Variants in PCDHGB4 observed in about 807,000 individuals in gnomAD.
PCDHGB4 encodes protocadherin gamma subfamily B, 4, also known as protocadherin gamma-B4.
Under a neutral mutation model 60.5 loss-of-function variants are expected in PCDHGB4, and 38 were observed. The ratio of observed to expected loss-of-function variants is 0.63; its 90% CI spans 0.48 to 0.82. The LOEUF is 0.82. Among genes scored for constraint, PCDHGB4 ranks in the 40% least tolerant of loss-of-function variants. The pLI is 0.00. For missense variants in PCDHGB4, 1,109 were observed against 1,209.6 expected, an observed-to-expected ratio of 0.92 and a Z score of 1.23; for synonymous variants, 456 against 509.7, an observed-to-expected ratio of 0.89 and a Z score of 1.42.
intron 1 of PCDHGB4, chr5:141,405,160 C>T (rs2094616263): frequency 6.2e-7 from 1 of 1,614,028 alleles, no homozygotes; most frequent in Non-Finnish European, 8.5e-7. Flanking sequence ...CTGGTGTGCC[C>T]ACCTCACACT....
chr5:141,511,138 A>C lies in PCDHGB4; in HGVS notation c.2737A>C (p.Asn913His). 6.2e-7 allele frequency: 1 copy of C among 1,614,210 alleles called. No homozygotes were observed. ...DGKAPAGGNGNKKKSGKKEKK is the reference protein window; with the variant it reads ...DGKAPAGGNGHKKKSGKKEKK ...CAAGGCCCCAGCAGGTGGCAATGGCAACAAGAAGAAGTCGGGCAAGAAGGA... is the reference window on the plus strand; with the variant it reads ...CAAGGCCCCAGCAGGTGGCAATGGCCACAAGAAGAAGTCGGGCAAGAAGGA... Residue 913 changes from asparagine to histidine, a missense_variant, in exon 4 of 4, where the codon AAC becomes CAC. This residue lies in a region of PCDHGB4 where 1,068 missense variants were observed against 1,089.9 expected (regional missense o/e 0.98). Transcript: ENST00000519479.
At chr5:141,422,375 T>G (rs2096644332) in intron 1 of PCDHGB4, 3 of 1,570,696 alleles carry the variant, frequency 1.9e-6, no homozygotes, top group Admixed American at 1.9e-5. Flanking sequence ...AATGGTCAAG[T>G]CTCCTGTTTT....
intron 1 of PCDHGB4, chr5:141,415,642 A>T (rs1418546981): frequency 6.0e-6 from 5 of 831,836 alleles, no homozygotes; most frequent in Middle Eastern, 2.6e-4. Flanking sequence ...TACTTTTGTT[A>T]AAAAAAAAAA....
chr5:141,431,474 G>A lies in PCDHGB4; in HGVS notation c.2397+41193G>A, dbSNP rs747313827. 2 of 1,613,842 alleles carry A rather than the reference G, an allele frequency of 1.2e-6. No homozygotes were observed. Among genetic ancestry groups the A allele is most frequent in the East Asian group, 4.5e-5 (2 of 44,886 alleles). ...GATGGTTCTGGATGCGAACGACAACGCACCAGCGTTTGCTCAGCCCGAGTA... is the reference window on the plus strand; with the variant it reads ...GATGGTTCTGGATGCGAACGACAACACACCAGCGTTTGCTCAGCCCGAGTA... On this transcript the variant is annotated intron_variant, in intron 1 of 3. Coordinates refer to ENST00000519479, the MANE Select transcript of PCDHGB4 (RefSeq NM_003736.4). This position sits in a 1 kb window ranked among gnomAD's most constrained non-coding sequence, Gnocchi z 4.8.
chr5:141,511,041 C>T lies in PCDHGB4; in HGVS notation c.2640C>T (p.Pro880=), dbSNP rs1421629777. 1.5e-5 allele frequency: 24 copies of T among 1,614,076 alleles called. No individual in the cohort carries two copies. The highest frequency in any genetic ancestry group is 5.5e-5 in the South Asian group (5 of 91,092). Residue 880 remains proline, a synonymous_variant, in exon 4 of 4, where the codon CCC becomes CCT. Transcript: ENST00000519479. The part of the protein sequence containing the change: ...YGPQFTLQHV[P]DYRQNVYIPG... ...CCCAGTTCACCCTGCAGCACGTGCCCGACTACCGCCAGAATGTCTACATCC... is the reference window on the plus strand; with the variant it reads ...CCCAGTTCACCCTGCAGCACGTGCCTGACTACCGCCAGAATGTCTACATCC...
chr5:141,506,444 CAAAAAA>C (rs1219684339), intron 3 of PCDHGB4, among the ~76,000 whole-genome samples: 1 of 95,026 alleles, frequency 1.1e-5, no homozygotes, highest in African/African-American at 4.0e-5. Flanking sequence ...CGCTCTGTCT[CAAAAAA>C]AAAAAAAAAA....
rs537684458 is a variant in PCDHGB4, at chr5:141,431,679, T to G, written c.2397+41398T>G. The G allele has an allele frequency of 1.5e-5, 24 of 1,614,222 alleles. No individual in the cohort carries two copies. The highest frequency in any genetic ancestry group is 3.3e-5 in the Admixed American group (2 of 60,028). On this transcript the variant is annotated intron_variant, in intron 1 of 3. Coordinates refer to ENST00000519479, the MANE Select transcript of PCDHGB4 (RefSeq NM_003736.4). The surrounding 1 kb of genome is among the most constrained non-coding windows in gnomAD (Gnocchi z 4.8). ...GGGACAATATCAACAATAGGGGAGT[T>G]GGACCACGAGGAGTCAGGATTCTAC...
chr5:141,394,619 C>T, intron 1 of PCDHGB4: 1 of 1,613,528 alleles, frequency 6.2e-7, no homozygotes, highest in Non-Finnish European at 8.5e-7. Flanking sequence ...GCCAGAACGC[C>T]TGGCTGTCCT....
At chr5:141,405,603 T>A in intron 1 of PCDHGB4, 1 of 571,444 alleles carries the variant, frequency 1.7e-6, no homozygotes, top group Non-Finnish European at 3.1e-6. Flanking sequence ...CCAAGTAGAA[T>A]AACTGGGACT....
intron 1 of PCDHGB4, chr5:141,413,287 T>C (rs937508313): frequency 6.2e-7 from 1 of 1,613,950 alleles, no homozygotes. Flanking sequence ...GATCTCCTAC[T>C]CAATTCCTGA....
chr5:141,392,268 A>G (rs2150475407), intron 1 of PCDHGB4: 1 of 152,374 alleles, frequency 6.6e-6, no homozygotes, highest in South Asian at 2.1e-4. Context: ...GACATTTACA[A>G]TAAAGCTTAG....
intron 1 of PCDHGB4, among the ~76,000 whole-genome samples, chr5:141,446,430 T>A (rs1468987045): frequency 6.6e-6 from 1 of 152,058 alleles, no homozygotes; most frequent in Non-Finnish European, 1.5e-5. Flanking sequence ...ATTTGAAGGA[T>A]CTGAGAAACA....
At position 141,404,691 on chromosome 5, in the gene PCDHGB4, G is replaced by A. The variant is rs200601931; in HGVS notation, c.2397+14410G>A. ...TCTACTGGTGTGGAGCTGGCACCCC[G>A]CTCTGCAGAGCCTGGCTACCTGGTG... is the stretch of plus-strand genomic sequence containing the variant. On this transcript the variant is annotated intron_variant, in intron 1 of 3. Transcript: ENST00000519479. 1.4e-5 allele frequency: 22 copies of A among 1,613,996 alleles called. No individual in the cohort carries two copies. The East Asian group carries it at 3.8e-4, about 28-fold the overall frequency.
chr5:141,410,437 G>C, intron 1 of PCDHGB4: 1 of 1,614,040 alleles, frequency 6.2e-7, no homozygotes, highest in Non-Finnish European at 8.5e-7. Context: ...ACTACAGTGA[G>C]GGGACTTTGC....
chr5:141,493,346 C>T lies in PCDHGB4; in HGVS notation c.2398-1461C>T, dbSNP rs766845200. Among the ~76,000 whole-genome samples, 5 of 152,172 alleles carry T rather than the reference C, an allele frequency of 3.3e-5. No individual in the cohort carries two copies. Among genetic ancestry groups the T allele is most frequent in the Non-Finnish European group, 7.3e-5 (5 of 68,028 alleles). On this transcript the variant is annotated intron_variant, in intron 1 of 3. Coordinates refer to ENST00000519479, the MANE Select transcript of PCDHGB4 (RefSeq NM_003736.4). The surrounding 1 kb of genome is among the most constrained non-coding windows in gnomAD (Gnocchi z 4.3). Reference sequence around the variant, plus strand: ...CCCCTGTCTAACTCCAGAATGTGTGCTTTTAATTTCTTGGCACTTGGAACT... The same window carrying T: ...CCCCTGTCTAACTCCAGAATGTGTGTTTTTAATTTCTTGGCACTTGGAACT...
intron 1 of PCDHGB4, among the ~76,000 whole-genome samples, chr5:141,466,035 C>T (rs10054619): frequency 0.28 from 42,092 of 151,762 alleles, 6,545 homozygotes; most frequent in African/African-American, 0.42. Flanking sequence ...GGCAGGAGAA[C>T]GGCATGAACC....
Position 141,431,435 on chromosome 5 carries a change from G to T in PCDHGB4, c.2397+41154G>T. On this transcript the variant is annotated intron_variant, in intron 1 of 3. Coordinates refer to ENST00000519479, the MANE Select transcript of PCDHGB4 (RefSeq NM_003736.4). This position sits in a 1 kb window ranked among gnomAD's most constrained non-coding sequence, Gnocchi z 4.8. The stretch of plus-strand genomic sequence containing the variant: ...GGGCGACCCGGTGCGCACAGGCACC[G>T]CGCGCATCCGCGTGATGGTTCTGGA... The T allele has an allele frequency of 6.2e-7, 1 of 1,613,668 alleles. No individual in the cohort carries two copies. Among genetic ancestry groups the T allele is most frequent in the Non-Finnish European group, 8.5e-7 (1 of 1,180,026 alleles).
rs150721796 is a variant in PCDHGB4, at chr5:141,389,726, C to T, written c.1842C>T (p.Leu614=). 0.048 allele frequency: 77,154 copies of T among 1,612,710 alleles called. 2,225 individuals are homozygous for T. The highest frequency in any genetic ancestry group is 0.054 in the Non-Finnish European group (63,775 of 1,179,746). ...TGCTGCAGGCTAGCGAGCCCGGGCTCTTCAGCCTGGGGCTGCGCACGGGCG... is the reference window on the plus strand; with the variant it reads ...TGCTGCAGGCTAGCGAGCCCGGGCTTTTCAGCCTGGGGCTGCGCACGGGCG... ...YHVLQASEPG[L]FSLGLRTGEV... is the part of the protein sequence containing the mutation. Residue 614 remains leucine, a synonymous_variant, in exon 1 of 4, where the codon CTC becomes CTT. Transcript: ENST00000519479.
intron 1 of PCDHGB4, among the ~76,000 whole-genome samples, chr5:141,469,340 G>A (rs1412181099): frequency 6.6e-6 from 1 of 152,138 alleles, no homozygotes; most frequent in Non-Finnish European, 1.5e-5. Context: ...ACTTTGGGAG[G>A]CTGAGGTGGA....
Sources: allele counts gnomAD v4.1 joint callset (sites outside exome capture counted in the v4.1 genomes callset), GRCh38; gene constraint gnomAD v4.1.1; regional missense constraint gnomAD v4.1.1; non-coding constraint Gnocchi (gnomAD v3.1); transcripts MANE v1.5; gene names NCBI Gene and HGNC (gene_info 2026-07-23, HGNC 2026-07-21).